CPAMD8: variants seen among roughly 807,000 people sequenced by gnomAD.
CPAMD8 encodes the protein C3 and PZP-like alpha-2-macroglobulin domain-containing protein 8.
Under a neutral mutation model 224.7 loss-of-function variants are expected in CPAMD8, and 146 were observed. That is an observed-to-expected ratio of 0.65 (90% CI 0.57 to 0.75). CPAMD8 has a LOEUF of 0.75. Among genes scored for constraint, CPAMD8 ranks in the 30% least tolerant of loss-of-function variants. The probability of loss-of-function intolerance (pLI) is 0.00; values close to 1 mark genes in which losing one functional copy is unlikely to be tolerated. For synonymous variants in CPAMD8, 966 were observed against 1,044.6 expected (o/e 0.92, Z 1.45); for missense variants, 2,301 against 2,537.5 (o/e 0.91, Z 2.00).
chr19:17,009,335 C>T lies in CPAMD8; in HGVS notation c.487-15G>A, dbSNP rs1334166936. On this transcript the variant is annotated splice_polypyrimidine_tract_variant and intron_variant, in intron 5 of 41. Transcript: ENST00000443236. ...TAGGCTTCCAGCTGTAATGAAGACA[C>T]AGATGCAGTGAGCAAATCTTCCAGC... The T allele has an allele frequency of 1.2e-6, 2 of 1,613,946 alleles. No homozygotes were observed. Among genetic ancestry groups the T allele is most frequent in the East Asian group, 4.5e-5 (2 of 44,892 alleles).
chr19:17,026,520 C>T, intron 1 of CPAMD8, 31 bp downstream of exon 1: 2 of 1,468,852 alleles, frequency 1.4e-6, no homozygotes, highest in South Asian at 2.6e-5. Context: ...CAGAAGGCGA[C>T]CGACCTCCTC....
chr19:16,918,291 G>A (rs781240801), intron 27 of CPAMD8, among the ~76,000 whole-genome samples: 4 of 152,018 alleles, frequency 2.6e-5, no homozygotes, highest in East Asian at 1.9e-4. Context: ...CACAGCGCCC[G>A]GCCCCTCCTG....
chr19:16,947,365 G>T, intron 20 of CPAMD8, 138 bp from the exon 21 acceptor site: 1 of 1,106,034 alleles, frequency 9.0e-7, no homozygotes, highest in Non-Finnish European at 1.3e-6. Flanking sequence ...CCCCCGGGAA[G>T]GTCCCCTTTC....
chr19:16,987,458 G>A (rs1041090259), intron 13 of CPAMD8, among the ~76,000 whole-genome samples: 3 of 151,606 alleles, frequency 2.0e-5, no homozygotes, highest in South Asian at 4.2e-4. Context: ...CCCACTTCAC[G>A]AACAGTCAAG....
chr19:16,912,783 G>A (rs1164859472), intron 29 of CPAMD8, among the ~76,000 whole-genome samples: 5 of 152,006 alleles, frequency 3.3e-5, no homozygotes, highest in Non-Finnish European at 5.9e-5. Flanking sequence ...CAAGATATGT[G>A]TCATAAAAGT....
intron 36 of CPAMD8, among the ~76,000 whole-genome samples, chr19:16,900,555 G>C (rs1439793777): frequency 6.6e-6 from 1 of 152,052 alleles, no homozygotes; most frequent in Admixed American, 6.6e-5. Context: ...CTGAGATTGT[G>C]CCATTGCACA....
At chr19:16,945,981 G>A (rs2054062967) in intron 21 of CPAMD8, among the ~76,000 whole-genome samples, 1 of 151,810 alleles carries the variant, frequency 6.6e-6, no homozygotes, top group Non-Finnish European at 1.5e-5. Context: ...ATTTGTGTGT[G>A]TACAAATATG....
intron 22 of CPAMD8, among the ~76,000 whole-genome samples, chr19:16,944,691 A>G (rs1190743178): frequency 6.6e-6 from 1 of 152,124 alleles, no homozygotes; most frequent in Non-Finnish European, 1.5e-5. Context: ...CAAGGAATCC[A>G]TCACATCACA....
intron 23 of CPAMD8, among the ~76,000 whole-genome samples, 156 bp from the exon 24 acceptor site, chr19:16,929,396 G>A (rs1218818964): frequency 6.6e-6 from 1 of 152,146 alleles, no homozygotes; most frequent in Non-Finnish European, 1.5e-5. Flanking sequence ...CAATGGCATT[G>A]GCAATGGCAC....
At chr19:17,011,394 G>T in intron 5 of CPAMD8, 70 bp downstream of exon 5, 2 of 1,522,672 alleles carry the variant, frequency 1.3e-6, no homozygotes, top group South Asian at 1.1e-5. Flanking sequence ...ACCCGTTTCC[G>T]ATGGTGGCCC....
At chr19:16,964,593 C>T (rs929376457) in intron 18 of CPAMD8, among the ~76,000 whole-genome samples, 4 of 152,158 alleles carry the variant, frequency 2.6e-5, no homozygotes, top group African/African-American at 7.2e-5. Context: ...GGATTCACAG[C>T]TGAATTCCAC....
At chr19:17,001,901 C>T (rs561380496) in intron 9 of CPAMD8, among the ~76,000 whole-genome samples, 7 of 149,054 alleles carry the variant, frequency 4.7e-5, no homozygotes, top group South Asian at 4.3e-4. Flanking sequence ...GATGCTCTAG[C>T]GGGTGGCCAC....
chr19:16,997,112 T>C lies in CPAMD8; in HGVS notation c.1094A>G (p.Lys365Arg). 6.2e-7 allele frequency: 1 copy of C among 1,603,060 alleles called. No homozygotes were observed. The highest frequency in any genetic ancestry group is 2.2e-5 in the East Asian group (1 of 44,818). Residue 365 changes from lysine to arginine, a missense_variant and splice_region_variant, in exon 11 of 42, where the codon AAG becomes AGG. By Grantham distance (26) the Lys-to-Arg change is conservative. Around this residue, in one of 4 missense-constraint regions of CPAMD8, gnomAD observed 301 missense variants for 406.6 expected, o/e 0.74. Coordinates refer to ENST00000443236, the MANE Select transcript of CPAMD8 (RefSeq NM_015692.5). ...GCAGCACAGTCACCCCCAAGTTACC[T>C]TCCCCACGTAGGCCAGGCCCGGCTT... Reference protein sequence around the residue: ...QFKPGLAYVGKVELSYPDGSP... With the variant: ...QFKPGLAYVGRVELSYPDGSP...
intron 29 of CPAMD8, among the ~76,000 whole-genome samples, chr19:16,912,280 G>C (rs1404367167): frequency 6.6e-6 from 1 of 152,174 alleles, no homozygotes; most frequent in Non-Finnish European, 1.5e-5. Flanking sequence ...TGATCTAAGA[G>C]ACCAGAACTC....
At chr19:16,998,057 C>T (rs1599874859) in intron 10 of CPAMD8, among the ~76,000 whole-genome samples, 1 of 152,330 alleles carries the variant, frequency 6.6e-6, no homozygotes, top group South Asian at 2.1e-4. Flanking sequence ...CAAAGACCAT[C>T]AGCTGGTAGC....
At chr19:16,969,899 C>T (rs573431561) in intron 18 of CPAMD8, among the ~76,000 whole-genome samples, 39 of 134,868 alleles carry the variant, frequency 2.9e-4, no homozygotes, top group South Asian at 1.3e-3. Context: ...ACAAAAACAA[C>T]GAAAAACTTA....
In CPAMD8 at chr19:16,902,790, G is replaced by T. The variant is rs781571893; in HGVS notation, c.4544C>A (p.Pro1515His). The T allele has an allele frequency of 3.8e-6, 6 of 1,583,064 alleles. No homozygotes were observed. The highest frequency in any genetic ancestry group is 5.2e-6 in the Non-Finnish European group (6 of 1,160,762). ...GGGGGGCGGGCGTCCCTGGGCCTCA[G>T]GCTCCTGGAGGCTTACGAGCAGCTG... ...AFQLLVSLQE[P>H]EAQGRPPPMP... The change falls in exon 35 of 42, where the codon CCT (proline) becomes CAT (histidine). Residue 1515 changes from proline to histidine, a missense_variant. By Grantham distance (77) the Pro-to-His change is moderately conservative. Around this residue, in one of 4 missense-constraint regions of CPAMD8, gnomAD observed 1,709 missense variants for 1,753.2 expected, o/e 0.97. Transcript: ENST00000443236.
chr19:17,020,390 G>A (rs771643929), intron 2 of CPAMD8, 37 bp from the exon 3 acceptor site: 42 of 1,488,188 alleles, frequency 2.8e-5, no homozygotes, highest in Non-Finnish European at 3.8e-5. Context: ...GTTAAATCAA[G>A]AGCTGTGTTG....
At chr19:16,985,734 G>A (rs1424722059) in intron 13 of CPAMD8, among the ~76,000 whole-genome samples, 1 of 150,244 alleles carries the variant, frequency 6.7e-6, no homozygotes, top group Admixed American at 6.6e-5. Context: ...AGGGTAGTAG[G>A]TGGATGGATG....
Sources: allele counts gnomAD v4.1 joint callset (sites outside exome capture counted in the v4.1 genomes callset), GRCh38; gene constraint gnomAD v4.1.1; regional missense constraint gnomAD v4.1.1; transcripts MANE v1.5; gene names NCBI Gene and HGNC (gene_info 2026-07-23, HGNC 2026-07-21).